CDIN1: variants seen among roughly 807,000 people sequenced by gnomAD.
CDIN1 encodes the protein CDAN1 interacting nuclease 1.
CDIN1 carries 33 observed loss-of-function variants against 45.3 expected under a neutral mutation model. The ratio of observed to expected loss-of-function variants is 0.73; its 90% CI spans 0.55 to 0.97. The LOEUF is 0.97. Among genes scored for constraint, CDIN1 ranks in the 50% least tolerant of loss-of-function variants. The pLI is 0.00. For missense variants in CDIN1, 303 were observed against 339.4 expected (o/e 0.89, Z 0.84); for synonymous variants, 118 against 124.4 (o/e 0.95, Z 0.34).
intron 10 of CDIN1, among the ~76,000 whole-genome samples, chr15:36,770,827 A>T (rs564692202): frequency 3.1e-4 from 47 of 152,314 alleles, no homozygotes; most frequent in African/African-American, 1.0e-3. Context: ...TGTTCAAGTT[A>T]CTAGAGCAGT....
At position 36,709,418 on chromosome 15, in the gene CDIN1, G is replaced by A. The variant is rs1490109388; in HGVS notation, c.610+130G>A. ...AATTGGAAAATGTTACTTTTAAACAGCAGAAAATAATAGGTTCAGAAGAAA... is the reference window on the plus strand; with the variant it reads ...AATTGGAAAATGTTACTTTTAAACAACAGAAAATAATAGGTTCAGAAGAAA... On this transcript the variant is annotated intron_variant, in intron 9 of 10. Coordinates refer to ENST00000566621, the MANE Select transcript of CDIN1 (RefSeq NM_001321759.2). The A allele has an allele frequency of 1.6e-5, 9 of 568,930 alleles. 1 individual carries two copies. The highest frequency in any genetic ancestry group is 5.0e-4 in the Middle Eastern group (1 of 1,990). The allele number at this position is 568,930 out of a possible 1,614,324, so 35.2% of individuals were successfully genotyped here.
intron 1 of CDIN1, among the ~76,000 whole-genome samples, chr15:36,587,437 G>A (rs1345689688): frequency 6.6e-6 from 1 of 151,302 alleles, no homozygotes; most frequent in African/African-American, 2.4e-5. Context: ...TGGCCATATT[G>A]TGTATTGTGC....
chr15:36,670,131 A>G (rs1223147539), intron 5 of CDIN1, among the ~76,000 whole-genome samples: 1 of 152,046 alleles, frequency 6.6e-6, no homozygotes, highest in African/African-American at 2.4e-5. Context: ...ACTTACATAT[A>G]TGTATAATTT....
At chr15:36,661,870 CA>C (rs1284477048) in intron 5 of CDIN1, among the ~76,000 whole-genome samples, 1 of 152,048 alleles carries the variant, frequency 6.6e-6, no homozygotes, top group Non-Finnish European at 1.5e-5. Context: ...TATGAGTAGA[CA>C]TGATAATGGA....
chr15:36,645,086 T>C (rs2040256371), intron 2 of CDIN1, 137 bp from the exon 3 acceptor site: 3 of 671,336 alleles, frequency 4.5e-6, no homozygotes, highest in Non-Finnish European at 5.3e-6. Context: ...AGTCCTGCCA[T>C]CACCACAATT....
intron 10 of CDIN1, among the ~76,000 whole-genome samples, chr15:36,790,031 A>G (rs1294660996): frequency 6.6e-6 from 1 of 152,194 alleles, no homozygotes; most frequent in Non-Finnish European, 1.5e-5. Context: ...TTATATCATG[A>G]AAATAGACTG....
intron 10 of CDIN1, chr15:36,799,910 G>T (rs550752897): frequency 2.6e-5 from 4 of 152,206 alleles, no homozygotes; most frequent in African/African-American, 9.6e-5. Flanking sequence ...TCTGAGAAAA[G>T]ATTTACAACA....
chr15:36,721,810 G>A (rs1195489904), intron 10 of CDIN1, among the ~76,000 whole-genome samples: 1 of 151,306 alleles, frequency 6.6e-6, no homozygotes, highest in Non-Finnish European at 1.5e-5. Flanking sequence ...CTGTCTCTGT[G>A]GGCAGCTTTC....
intron 1 of CDIN1, chr15:36,613,499 G>A: frequency 6.5e-7 from 1 of 1,548,650 alleles, no homozygotes; most frequent in Non-Finnish European, 8.8e-7. Flanking sequence ...CATCAAGGCG[G>A]TGAAGCGCAA....
At chr15:36,722,596 C>T (rs553182082) in intron 10 of CDIN1, among the ~76,000 whole-genome samples, 1 of 152,258 alleles carries the variant, frequency 6.6e-6, no homozygotes, top group Non-Finnish European at 1.5e-5. Flanking sequence ...AGCAGCTATG[C>T]TTTTTCATTT....
At chr15:36,688,725 G>A (rs1217822170) in intron 5 of CDIN1, among the ~76,000 whole-genome samples, 1 of 152,346 alleles carries the variant, frequency 6.6e-6, no homozygotes, top group Admixed American at 6.5e-5. Flanking sequence ...CTCTGGCCAT[G>A]ACAAGGTTGT....
At chr15:36,636,790 A>G (rs561410820) in intron 1 of CDIN1, among the ~76,000 whole-genome samples, 1 of 152,278 alleles carries the variant, frequency 6.6e-6, no homozygotes, top group South Asian at 2.1e-4. Context: ...ATTTTCCAGA[A>G]AGCAATAAAT....
chr15:36,581,616 G>C (rs1253695830), intron 1 of CDIN1, among the ~76,000 whole-genome samples: 1 of 152,216 alleles, frequency 6.6e-6, no homozygotes, highest in Non-Finnish European at 1.5e-5. Flanking sequence ...GGTGGCTCAC[G>C]CCTGTAATCC....
chr15:36,776,196 A>C (rs2054212743), intron 10 of CDIN1, among the ~76,000 whole-genome samples: 1 of 152,218 alleles, frequency 6.6e-6, no homozygotes, highest in African/African-American at 2.4e-5. Flanking sequence ...TGAGCCTTTG[A>C]TCAAGTCTTT....
At chr15:36,720,915 T>A (rs1269467192) in intron 10 of CDIN1, among the ~76,000 whole-genome samples, 2 of 152,194 alleles carry the variant, frequency 1.3e-5, no homozygotes, top group Non-Finnish European at 2.9e-5. Flanking sequence ...GCATTCCTAT[T>A]TCTGCACATC....
At chr15:36,679,437 AC>A (rs2041772262) in intron 5 of CDIN1, among the ~76,000 whole-genome samples, 1 of 152,198 alleles carries the variant, frequency 6.6e-6, no homozygotes, top group South Asian at 2.1e-4. Context: ...AAACAAGGAT[AC>A]TGAGAGGTGT....
chr15:36,659,262 T>C lies in CDIN1; in HGVS notation c.346+1357T>C, dbSNP rs146907666. 2.7e-3 allele frequency among the ~76,000 whole-genome samples: 411 copies of C among 152,360 alleles called. 1 individual carries two copies. Among genetic ancestry groups the C allele is most frequent in the Non-Finnish European group, 3.6e-3 (247 of 68,030 alleles). ...AATTTTGTAGCCATTAATTTATCTTTATAACACTGGCACATCTTCAGTACA... is the reference window on the plus strand; with the variant it reads ...AATTTTGTAGCCATTAATTTATCTTCATAACACTGGCACATCTTCAGTACA... On this transcript the variant is annotated intron_variant, in intron 5 of 10. Coordinates refer to ENST00000566621, the MANE Select transcript of CDIN1 (RefSeq NM_001321759.2).
chr15:36,654,249 G>GAA, intron 4 of CDIN1, 91 bp downstream of exon 4: 11 of 940,532 alleles, frequency 1.2e-5, no homozygotes, highest in African/African-American at 1.7e-5. Flanking sequence ...ACTACCTTTG[G>GAA]AAAAAAAAAG....
chr15:36,777,475 T>G (rs1213948037), intron 10 of CDIN1, among the ~76,000 whole-genome samples: 1 of 152,068 alleles, frequency 6.6e-6, no homozygotes, highest in African/African-American at 2.4e-5. Flanking sequence ...TATTTTATAT[T>G]TAAAGGTTGC....
Sources: allele counts gnomAD v4.1 joint callset (sites outside exome capture counted in the v4.1 genomes callset), GRCh38; gene constraint gnomAD v4.1.1; transcripts MANE v1.5; gene names NCBI Gene and HGNC (gene_info 2026-07-23, HGNC 2026-07-21).